FRMD4A: variants seen among roughly 807,000 people sequenced by gnomAD.
FRMD4A encodes FERM domain containing 4A.
Under a neutral mutation model 129.1 loss-of-function variants are expected in FRMD4A, and 29 were observed. The ratio of observed to expected loss-of-function variants is 0.22; its 90% CI spans 0.17 to 0.31. The LOEUF (loss-of-function observed/expected upper bound fraction) is 0.31, where lower values mean the gene tolerates loss of function less well. Among genes scored for constraint, FRMD4A ranks in the 10% least tolerant of loss-of-function variants. The pLI is 1.00. For synonymous variants in FRMD4A, 634 were observed against 571.6 expected, an observed-to-expected ratio of 1.11 and a Z score of -1.56; for missense variants, 1,272 against 1,375.8, an observed-to-expected ratio of 0.92 and a Z score of 1.19.
intron 2 of FRMD4A, among the ~76,000 whole-genome samples, chr10:14,295,019 A>G (rs1159267001): frequency 1.3e-5 from 2 of 152,184 alleles, no homozygotes; most frequent in Admixed American, 1.3e-4. Flanking sequence ...AAGACAAAGT[A>G]TTTTTAGTAA....
At chr10:13,977,833 T>C (rs921658092) in intron 2 of FRMD4A, among the ~76,000 whole-genome samples, 3 of 152,232 alleles carry the variant, frequency 2.0e-5, no homozygotes, top group Non-Finnish European at 4.4e-5. Flanking sequence ...GTACATTTCT[T>C]TTCTTTGCTG....
At chr10:14,231,739 T>A (rs1328846026) in intron 2 of FRMD4A, among the ~76,000 whole-genome samples, 4 of 149,986 alleles carry the variant, frequency 2.7e-5, no homozygotes. Flanking sequence ...TTTTAAGAAG[T>A]GTTTGTTTAT....
intron 2 of FRMD4A, among the ~76,000 whole-genome samples, chr10:14,225,472 G>T (rs186964109): frequency 6.6e-6 from 1 of 152,176 alleles, no homozygotes; most frequent in Non-Finnish European, 1.5e-5. Context: ...GCATGAAGTG[G>T]GTCATCTATG....
At chr10:13,647,804 TAAG>T (rs1313923579) in intron 24 of FRMD4A, 1 of 151,720 alleles carries the variant, frequency 6.6e-6, no homozygotes, top group East Asian at 1.9e-4. Flanking sequence ...TCTTAAATCT[TAAG>T]AAGCAATCAT....
intron 5 of FRMD4A, among the ~76,000 whole-genome samples, chr10:13,790,762 G>A (rs568080377): frequency 3.9e-5 from 6 of 152,180 alleles, no homozygotes; most frequent in African/African-American, 1.2e-4. Context: ...CTGTGGGGAG[G>A]GGGTGACAGC....
At chr10:13,753,941 G>C (rs1257414094) in intron 8 of FRMD4A, among the ~76,000 whole-genome samples, 1 of 152,048 alleles carries the variant, frequency 6.6e-6, no homozygotes, top group African/African-American at 2.4e-5. Flanking sequence ...GAAGTTTTAT[G>C]AATTTCTAAT....
At position 13,714,039 on chromosome 10, in the gene FRMD4A, T is replaced by TATATATATTTTATATATAAA. The variant is rs1564673197; in HGVS notation, c.760-6927_760-6926insTTTATATATAAAATATATAT. ...TATATAAAATATACATATATATATA[T>TATATATATTTTATATATAAA]ATATATATATATATATATATAAAAT... On this transcript the variant is annotated intron_variant, in intron 12 of 24. Transcript: ENST00000357447. 6.2e-3 allele frequency among the ~76,000 whole-genome samples: 15 copies of TATATATATTTTATATATAAA among 2,426 alleles called. 3 individuals are homozygous for TATATATATTTTATATATAAA. Among genetic ancestry groups the TATATATATTTTATATATAAA allele is most frequent in the African/African-American group, 0.018 (14 of 792 alleles). The allele number at this position is 2,426 out of a possible 152,430, so 1.6% of individuals were successfully genotyped here.
chr10:13,853,076 G>A (rs900505887), intron 3 of FRMD4A, among the ~76,000 whole-genome samples: 4 of 152,126 alleles, frequency 2.6e-5, no homozygotes, highest in Non-Finnish European at 4.4e-5. Context: ...TGGCCACTAA[G>A]GGACTGGGTC....
At chr10:14,301,756 T>C (rs974964410) in intron 2 of FRMD4A, among the ~76,000 whole-genome samples, 2 of 152,178 alleles carry the variant, frequency 1.3e-5, no homozygotes, top group Non-Finnish European at 2.9e-5. Flanking sequence ...AAATGCTAAA[T>C]TCACAAAGGA....
intron 2 of FRMD4A, among the ~76,000 whole-genome samples, chr10:14,104,113 C>T (rs574601403): frequency 2.6e-5 from 4 of 152,186 alleles, no homozygotes; most frequent in Non-Finnish European, 2.9e-5. Flanking sequence ...AGGTCTACAT[C>T]GCCATCAAGG....
intron 6 of FRMD4A, among the ~76,000 whole-genome samples, chr10:13,777,571 C>A (rs1479876036): frequency 3.9e-5 from 6 of 152,068 alleles, no homozygotes; most frequent in African/African-American, 1.4e-4. Flanking sequence ...GACCTTGAAC[C>A]TAAATGTGGC....
In FRMD4A at chr10:13,674,943, C is replaced by G; in HGVS notation, c.1219G>C (p.Glu407Gln). The G allele has an allele frequency of 1.2e-6, 2 of 1,614,166 alleles. No homozygotes were observed. The highest frequency in any genetic ancestry group is 1.7e-6 in the Non-Finnish European group (2 of 1,180,008). The part of the protein sequence containing the change: ...ALEETLRQRL[E>Q]ELKKLCLREA... ...CGGAGACACAGCTTCTTCAGTTCCT[C>G]CAGCCTCTGACGCAGGGTTTCCTCC... Residue 407 changes from glutamate to glutamine, a missense_variant, in exon 16 of 25, where the codon GAG becomes CAG. This residue lies in a region of FRMD4A where 972 missense variants were observed against 892.3 expected (regional missense o/e 1.09). Transcript: ENST00000357447.
intron 12 of FRMD4A, among the ~76,000 whole-genome samples, chr10:13,735,169 G>A (rs1210485300): frequency 2.0e-5 from 3 of 152,288 alleles, no homozygotes; most frequent in Middle Eastern, 3.4e-3. Flanking sequence ...CACTGCGCCC[G>A]GCCACAATAA....
chr10:14,178,769 A>C (rs1841816329), intron 2 of FRMD4A, among the ~76,000 whole-genome samples: 1 of 151,668 alleles, frequency 6.6e-6, no homozygotes, highest in African/African-American at 2.4e-5. Context: ...ATCTGGGGTT[A>C]ACCCAAACTT....
intron 2 of FRMD4A, among the ~76,000 whole-genome samples, chr10:14,150,205 G>A (rs1024290514): frequency 6.6e-6 from 1 of 152,110 alleles, no homozygotes; most frequent in African/African-American, 2.4e-5. Context: ...AGATTTGGGT[G>A]GGGACACAGA....
intron 2 of FRMD4A, among the ~76,000 whole-genome samples, chr10:14,130,018 G>A (rs1839157262): frequency 1.3e-5 from 2 of 152,064 alleles, no homozygotes; most frequent in Admixed American, 1.3e-4. Flanking sequence ...CTCCCAGGCT[G>A]TGATCTGTCA....
intron 3 of FRMD4A, among the ~76,000 whole-genome samples, chr10:13,855,351 T>G (rs2094198722): frequency 6.6e-6 from 1 of 152,190 alleles, no homozygotes; most frequent in East Asian, 1.9e-4. Context: ...TGTCTGAAGA[T>G]CTGAGGTATA....
At chr10:14,318,924 G>T (rs1846860277) in intron 2 of FRMD4A, among the ~76,000 whole-genome samples, 1 of 152,212 alleles carries the variant, frequency 6.6e-6, no homozygotes, top group African/African-American at 2.4e-5. Context: ...TCTGAGGCTA[G>T]GTTATGAGCG....
At chr10:13,877,982 C>G (rs549101745) in intron 2 of FRMD4A, among the ~76,000 whole-genome samples, 60 of 152,204 alleles carry the variant, frequency 3.9e-4, no homozygotes, top group African/African-American at 1.4e-3. Flanking sequence ...TCTCCCCACC[C>G]CCATCCTCAT....
Sources: allele counts gnomAD v4.1 joint callset (sites outside exome capture counted in the v4.1 genomes callset), GRCh38; gene constraint gnomAD v4.1.1; regional missense constraint gnomAD v4.1.1; transcripts MANE v1.5; gene names NCBI Gene and HGNC (gene_info 2026-07-23, HGNC 2026-07-21).